Variants in CDH7 observed in about 807,000 individuals in gnomAD.
CDH7 encodes the protein cadherin-7.
A neutral mutation model predicts 71.8 loss-of-function variants in CDH7; 25 were observed. That is an observed-to-expected ratio of 0.35 (90% confidence interval 0.25 to 0.49). The LOEUF is 0.49. Among genes scored for constraint, CDH7 ranks in the 20% least tolerant of loss-of-function variants. The probability of loss-of-function intolerance (pLI) is 0.99; values close to 1 mark genes in which losing one functional copy is unlikely to be tolerated. For missense variants in CDH7, 862 were observed against 974.6 expected (o/e 0.88, Z 1.54); for synonymous variants, 381 against 363.8 (o/e 1.05, Z -0.54).
In CDH7 at chr18:65,762,871, A is replaced by G. The variant is rs997832923; in HGVS notation, c.29A>G (p.His10Arg). The G allele has an allele frequency of 3.7e-6, 6 of 1,612,580 alleles. No individual in the cohort carries two copies. The South Asian group carries it at 5.5e-5, about 15-fold the overall frequency. The change falls in exon 2 of 12, where the codon CAT (histidine) becomes CGT (arginine). Residue 10 changes from histidine to arginine, a missense_variant. Transcript: ENST00000397968. ...AAGTTGGGCAAAGTGGAGTTCTGCCATTTTCTGCAGCTAATAGCTCTTTTC... is the reference window on the plus strand; with the variant it reads ...AAGTTGGGCAAAGTGGAGTTCTGCCGTTTTCTGCAGCTAATAGCTCTTTTC... Reference protein sequence around the residue: MKLGKVEFCHFLQLIALFLC... With the variant: MKLGKVEFCRFLQLIALFLC...
In CDH7 at chr18:65,859,973, A is replaced by T. The variant is rs146842577; in HGVS notation, c.1612+148A>T. The T allele has an allele frequency of 5.6e-4, 317 of 565,470 alleles. 6 individuals are homozygous for T. In the East Asian group the frequency reaches 8.6e-3, roughly 15 times the overall value. 35.0% of individuals were successfully genotyped at this position (565,470 alleles called of 1,614,324 possible). A position where few individuals can be genotyped will look rare whatever the true frequency, so the allele number is the denominator to read the frequency against. On this transcript the variant is annotated intron_variant, in intron 10 of 11. Coordinates refer to ENST00000397968, the MANE Select transcript of CDH7 (RefSeq NM_004361.5). ...TGAGCACCTCAAGTAATTTTTATCT[A>T]TGGATTTACTATCATGAAGGAAAAG...
At chr18:65,848,039 G>A (rs1182952721) in intron 7 of CDH7, among the ~76,000 whole-genome samples, 3 of 151,968 alleles carry the variant, frequency 2.0e-5, no homozygotes, top group African/African-American at 4.8e-5. Flanking sequence ...TATTTGATAA[G>A]TAGCTGTTTA....
chr18:65,753,475 T>C (rs920227212), intron 1 of CDH7, among the ~76,000 whole-genome samples: 5 of 152,320 alleles, frequency 3.3e-5, no homozygotes, highest in Admixed American at 3.3e-4. Flanking sequence ...CACAAATGTC[T>C]TTTACTTGAT....
intron 4 of CDH7, among the ~76,000 whole-genome samples, chr18:65,815,629 C>T (rs565371581): frequency 1.3e-5 from 2 of 152,278 alleles, no homozygotes; most frequent in Admixed American, 1.3e-4. Context: ...TCATTCATTA[C>T]AGCTTTCATA....
At chr18:65,769,520 C>A (rs1168032673) in intron 2 of CDH7, among the ~76,000 whole-genome samples, 8 of 152,142 alleles carry the variant, frequency 5.3e-5, no homozygotes, top group Non-Finnish European at 2.9e-5. Context: ...GTGACTACAG[C>A]AATTATTTAA....
At chr18:65,751,779 G>C (rs1439479551) in intron 1 of CDH7, among the ~76,000 whole-genome samples, 1 of 152,192 alleles carries the variant, frequency 6.6e-6, no homozygotes, top group Admixed American at 6.5e-5. Context: ...GCTGGGAAAA[G>C]GGCGCCCTGC....
Position 65,781,868 on chromosome 18 carries a change from C to T in CDH7, c.210+18816C>T, listed in dbSNP as rs370118762. ...TTTCTTTCTTTCTTTCTTTCTTTCTCTCTCTCTCTCTGTCTCTCTCTCTCT... is the reference window on the plus strand; with the variant it reads ...TTTCTTTCTTTCTTTCTTTCTTTCTTTCTCTCTCTCTGTCTCTCTCTCTCT... On this transcript the variant is annotated intron_variant, in intron 2 of 11. Coordinates refer to ENST00000397968, the MANE Select transcript of CDH7 (RefSeq NM_004361.5). Among the ~76,000 whole-genome samples the T allele has an allele frequency of 3.1e-3, 205 of 65,514 alleles. 2 individuals are homozygous for T. The highest frequency in any genetic ancestry group is 6.9e-3 in the East Asian group (12 of 1,744). The allele number at this position is 65,514 out of a possible 152,430, so 43.0% of individuals were successfully genotyped here.
intron 2 of CDH7, among the ~76,000 whole-genome samples, chr18:65,766,974 T>C (rs1916394040): frequency 6.7e-6 from 1 of 150,176 alleles, no homozygotes; most frequent in Admixed American, 6.7e-5. Flanking sequence ...TTTTCATCTT[T>C]CCTAACCGTA....
chr18:65,872,602 A>G (rs1345473534), intron 11 of CDH7, among the ~76,000 whole-genome samples: 10 of 152,106 alleles, frequency 6.6e-5, no homozygotes, highest in South Asian at 2.1e-4. Context: ...GTTCAATATT[A>G]AAAGGAAATT....
chr18:65,799,447 G>A (rs1417554885), intron 2 of CDH7, among the ~76,000 whole-genome samples: 5 of 152,236 alleles, frequency 3.3e-5, no homozygotes, highest in African/African-American at 9.6e-5. Flanking sequence ...GGAGGCCGAG[G>A]TGGGCGGATC....
chr18:65,785,549 A>G (rs1159113769), intron 2 of CDH7, among the ~76,000 whole-genome samples: 1 of 152,026 alleles, frequency 6.6e-6, no homozygotes, highest in Non-Finnish European at 1.5e-5. Context: ...AGCTCTGCCC[A>G]ATGCAGTAGA....
chr18:65,791,472 C>G (rs1242154864), intron 2 of CDH7, among the ~76,000 whole-genome samples: 3 of 152,174 alleles, frequency 2.0e-5, no homozygotes, highest in Non-Finnish European at 4.4e-5. Context: ...ATCGTTATCA[C>G]TAGTTCATTT....
At chr18:65,841,606 G>C (rs1291759108) in intron 6 of CDH7, among the ~76,000 whole-genome samples, 1 of 152,148 alleles carries the variant, frequency 6.6e-6, no homozygotes, top group African/African-American at 2.4e-5. Flanking sequence ...CTCAGTAGAT[G>C]CTTTTAGGTA....
upstream of CDH7, chr18:65,750,653 C>A (rs1915837035): frequency 2.6e-5 from 4 of 152,224 alleles, no homozygotes. Flanking sequence ...CACCGGGTCT[C>A]TGGGAGGCGC....
intron 6 of CDH7, among the ~76,000 whole-genome samples, chr18:65,840,701 G>A (rs977766283): frequency 9.9e-5 from 15 of 152,082 alleles, no homozygotes; most frequent in African/African-American, 3.4e-4. Flanking sequence ...TTCTGTCATG[G>A]TTGTGAGACC....
At chr18:65,872,029 T>C (rs1913941824) in intron 11 of CDH7, among the ~76,000 whole-genome samples, 1 of 152,144 alleles carries the variant, frequency 6.6e-6, no homozygotes, top group Admixed American at 6.6e-5. Context: ...AGATTTACTG[T>C]AAGTACTTCT....
In CDH7 at chr18:65,889,221, A is replaced by G. The variant is rs978764569; in HGVS notation, c.*8327A>G. 1 of 152,168 alleles carries G rather than the reference A, an allele frequency of 6.6e-6. No individual in the cohort carries two copies. Among genetic ancestry groups the G allele is most frequent in the African/African-American group, 2.4e-5 (1 of 41,442 alleles). 9.4% of individuals were successfully genotyped at this position (152,168 alleles called of 1,614,324 possible). The stretch of plus-strand genomic sequence containing the variant: ...ATAAACTTGTTATTGAATAGTTGGC[A>G]CACAAGGGTAGGAGAAAAATCCCAA... On this transcript the variant is annotated 3_prime_UTR_variant, in exon 12 of 12. Transcript: ENST00000397968.
Position 65,890,091 on chromosome 18 carries a change from T to C in CDH7, c.*9197T>C, listed in dbSNP as rs1157280722. On this transcript the variant is annotated 3_prime_UTR_variant, in exon 12 of 12. Transcript: ENST00000397968. ...GAGTCACCATGCCAGGTGTCTCCCA[T>C]TTTTTAATGGTAGCTTAACTTCACC... The C allele has an allele frequency of 6.6e-6, 1 of 151,984 alleles. No individual in the cohort carries two copies. The highest frequency in any genetic ancestry group is 6.6e-5 in the Admixed American group (1 of 15,266). 9.4% of individuals were successfully genotyped at this position (151,984 alleles called of 1,614,324 possible).
intron 2 of CDH7, among the ~76,000 whole-genome samples, chr18:65,793,107 A>G (rs998455323): frequency 2.0e-5 from 3 of 152,098 alleles, no homozygotes; most frequent in Non-Finnish European, 2.9e-5. Flanking sequence ...TCTCCACCCC[A>G]TGAAGTTTAT....
Sources: gnomAD v4.1 joint callset for allele counts (sites outside exome capture counted in the v4.1 genomes callset) on GRCh38, gnomAD v4.1.1 for gene constraint, MANE v1.5 for transcripts, NCBI Gene and HGNC (gene_info 2026-07-23, HGNC 2026-07-21) for gene names.